Variants in NEDD9 observed in about 807,000 individuals in gnomAD.
The protein encoded by NEDD9 is enhancer of filamentation 1.
A neutral mutation model predicts 76.6 loss-of-function variants in NEDD9; 26 were observed. The ratio of observed to expected loss-of-function variants is 0.34; its 90% confidence interval spans 0.25 to 0.47. The LOEUF is 0.47. NEDD9 is among the 20% of genes least tolerant of loss of function. The probability of loss-of-function intolerance (pLI) is 1.00; values close to 1 mark genes in which losing one functional copy is unlikely to be tolerated. For missense variants in NEDD9, 937 were observed against 1,058.5 expected (o/e 0.89, Z 1.59); for synonymous variants, 392 against 414.2 (o/e 0.95, Z 0.65).
intron 1 of NEDD9, among the ~76,000 whole-genome samples, chr6:11,376,120 G>T (rs771207093): frequency 6.6e-6 from 1 of 152,174 alleles, no homozygotes. Context: ...CACCGTGCCC[G>T]GTCCCCACTT....
Position 11,191,210 on chromosome 6 carries a change from A to G in NEDD9, c.664-5T>C. On this transcript the variant is annotated splice_region_variant and splice_polypyrimidine_tract_variant and intron_variant, in intron 4 of 6. Coordinates refer to ENST00000379446, the MANE Select transcript of NEDD9 (RefSeq NM_006403.4). Reference sequence around the variant, plus strand: ...AGAGGGCGGAATGGCATATACCTGCAAAGCAAGTAGAAAGCGAAATGCTAT... The same window carrying G: ...AGAGGGCGGAATGGCATATACCTGCGAAGCAAGTAGAAAGCGAAATGCTAT... 6.3e-7 allele frequency: 1 copy of G among 1,575,510 alleles called. No homozygotes were observed. Among genetic ancestry groups the G allele is most frequent in the Non-Finnish European group, 8.6e-7 (1 of 1,161,506 alleles).
chr6:11,188,082 A>G, intron 6 of NEDD9, 136 bp downstream of exon 6: 1 of 722,448 alleles, frequency 1.4e-6, no homozygotes, highest in Admixed American at 2.3e-5. Flanking sequence ...TTTAAACCCC[A>G]TTCCGTGCTT....
chr6:11,211,687 G>A (rs1032488173), intron 2 of NEDD9, among the ~76,000 whole-genome samples: 8 of 152,220 alleles, frequency 5.3e-5, no homozygotes, highest in Admixed American at 6.5e-5. Context: ...AGGCAGCATC[G>A]TTGTCGTGGG....
intron 3 of NEDD9, among the ~76,000 whole-genome samples, chr6:11,291,101 T>C (rs974948806): frequency 6.6e-6 from 1 of 151,974 alleles, no homozygotes; most frequent in African/African-American, 2.4e-5. Flanking sequence ...GGAGAGTCCC[T>C]GACTGGACCA....
intron 6 of NEDD9, 71 bp downstream of exon 6, chr6:11,188,147 T>A: frequency 8.8e-7 from 1 of 1,140,862 alleles, no homozygotes; most frequent in Non-Finnish European, 1.3e-6. Context: ...TCTCTTGAAG[T>A]GATACCTTTC....
intron 2 of NEDD9, among the ~76,000 whole-genome samples, chr6:11,312,398 A>G (rs1057239919): frequency 2.6e-5 from 4 of 151,690 alleles, no homozygotes; most frequent in African/African-American, 9.7e-5. Flanking sequence ...CCTCTCGACG[A>G]TGCCTCCTGC....
chr6:11,326,746 G>A (rs1003164607), intron 2 of NEDD9, among the ~76,000 whole-genome samples: 2 of 152,222 alleles, frequency 1.3e-5, no homozygotes, highest in African/African-American at 4.8e-5. Flanking sequence ...CCCTGGGCTT[G>A]CCTGGGGCCC....
chr6:11,220,843 T>G (rs900145280), intron 1 of NEDD9, among the ~76,000 whole-genome samples: 3 of 152,234 alleles, frequency 2.0e-5, no homozygotes, highest in Non-Finnish European at 4.4e-5. Context: ...ATGCCATCTA[T>G]TCTTGCTTGA....
rs1299718670 is a variant in NEDD9 at position 11,214,670 on chromosome 6, A to C, written c.13-943T>G. ...CTTGGAGGCCTTTCAAAGGCTCGGA[A>C]GATTTCATTTCTTGGCATTAGTAAA... On this transcript the variant is annotated intron_variant, in intron 1 of 6. Coordinates refer to ENST00000379446, the MANE Select transcript of NEDD9 (RefSeq NM_006403.4). Among the ~76,000 whole-genome samples, 3 of 152,210 alleles carry C rather than the reference A, an allele frequency of 2.0e-5. No homozygotes were observed. In the South Asian group the frequency reaches 6.2e-4, roughly 32 times the overall value.
At chr6:11,374,774 G>A (rs1762945232) in intron 1 of NEDD9, among the ~76,000 whole-genome samples, 3 of 152,206 alleles carry the variant, frequency 2.0e-5, no homozygotes, top group South Asian at 4.1e-4. Flanking sequence ...TGTAAATTAA[G>A]TATTCATATA....
At chr6:11,242,903 G>A (rs767231) in intron 3 of NEDD9, among the ~76,000 whole-genome samples, 75,008 of 152,070 alleles carry the variant, frequency 0.49, 19,404 homozygotes, top group East Asian at 0.77. Flanking sequence ...TGTGTCCCAT[G>A]AGCAAAGGCA....
intron 3 of NEDD9, among the ~76,000 whole-genome samples, chr6:11,244,086 A>G (rs1469412385): frequency 1.3e-5 from 2 of 152,168 alleles, no homozygotes; most frequent in Non-Finnish European, 1.5e-5. Flanking sequence ...GAAGGCCTTC[A>G]GGGAAAAGAG....
intron 2 of NEDD9, among the ~76,000 whole-genome samples, chr6:11,330,766 C>T (rs1762019511): frequency 6.6e-6 from 1 of 152,170 alleles, no homozygotes; most frequent in African/African-American, 2.4e-5. Context: ...AATACTAAAC[C>T]ACAAAACATA....
At chr6:11,342,266 GA>G (rs796990063) in intron 1 of NEDD9, among the ~76,000 whole-genome samples, 14 of 151,592 alleles carry the variant, frequency 9.2e-5, no homozygotes, top group African/African-American at 2.9e-4. Context: ...AGAGAGAGCA[GA>G]AAAAATATCT....
At chr6:11,192,261 T>C (rs568922237) in intron 4 of NEDD9, 84 bp downstream of exon 4, 1 of 427,886 alleles carries the variant, frequency 2.3e-6, no homozygotes, top group South Asian at 2.7e-5. Context: ...AGTGAACTAC[T>C]TACCCACCCT....
chr6:11,361,609 C>A (rs916077352), intron 1 of NEDD9, among the ~76,000 whole-genome samples: 1 of 152,150 alleles, frequency 6.6e-6, no homozygotes, highest in African/African-American at 2.4e-5. Flanking sequence ...CTGGAGATTA[C>A]AATTCAACAT....
intron 3 of NEDD9, among the ~76,000 whole-genome samples, chr6:11,295,270 T>A (rs1207167996): frequency 6.6e-6 from 1 of 152,202 alleles, no homozygotes; most frequent in East Asian, 1.9e-4. Flanking sequence ...TTTAGCCAGA[T>A]TATGTTTTAT....
At chr6:11,243,910 T>C (rs980808132) in intron 3 of NEDD9, among the ~76,000 whole-genome samples, 2 of 152,204 alleles carry the variant, frequency 1.3e-5, no homozygotes, top group African/African-American at 4.8e-5. Context: ...ATGATTAATT[T>C]TATGTGTCAA....
chr6:11,375,354 A>G (rs1010921605), intron 1 of NEDD9, among the ~76,000 whole-genome samples: 6 of 152,228 alleles, frequency 3.9e-5, no homozygotes, highest in African/African-American at 1.2e-4. Context: ...TGCAAATTGT[A>G]TATATACCTA....
Sources: allele counts gnomAD v4.1 joint callset (sites outside exome capture counted in the v4.1 genomes callset), GRCh38; gene constraint gnomAD v4.1.1; transcripts MANE v1.5; gene names NCBI Gene and HGNC (gene_info 2026-07-23, HGNC 2026-07-21).